Variants in OTOA observed in about 807,000 individuals in gnomAD.
OTOA encodes cancer/testis antigen 108.
Under a neutral mutation model 110.8 loss-of-function variants are expected in OTOA, and 70 were observed. That is an observed-to-expected ratio of 0.63 (90% CI 0.52 to 0.77). OTOA has a LOEUF of 0.77. OTOA is among the 30% of genes least tolerant of loss of function. The pLI is 0.00. For synonymous variants in OTOA, 373 were observed against 431.5 expected (o/e 0.86, Z 1.68); for missense variants, 917 against 1,075.8 (o/e 0.85, Z 2.06).
intron 1 of OTOA, 61 bp from the exon 2 acceptor site, chr16:21,678,450 G>GTA (rs2141652372): frequency 5.1e-6 from 5 of 983,594 alleles, no homozygotes; most frequent in East Asian, 5.7e-5. Flanking sequence ...ATATGTGTGT[G>GTA]TGTGTATATA....
chr16:21,719,378 G>T lies in OTOA; in HGVS notation c.1689-9G>T. ...CTTCCTCTCCCGAGTGCCTTGTTTT[G>T]TTTTCTAGTGCTGGGCAGCTGGTCA... On this transcript the variant is annotated splice_polypyrimidine_tract_variant and intron_variant, in intron 16 of 28. Coordinates refer to ENST00000646100, the MANE Select transcript of OTOA (RefSeq NM_144672.4). 6.2e-7 allele frequency: 1 copy of T among 1,613,546 alleles called. No individual in the cohort carries two copies. Among genetic ancestry groups the T allele is most frequent in the Non-Finnish European group, 8.5e-7 (1 of 1,179,672 alleles).
chr16:21,699,397 A>C (rs1468960005), intron 10 of OTOA, among the ~76,000 whole-genome samples: 1 of 152,180 alleles, frequency 6.6e-6, no homozygotes, highest in Admixed American at 6.6e-5. Context: ...GCACTTTGGG[A>C]GGCCAAGGCG....
intron 6 of OTOA, among the ~76,000 whole-genome samples, chr16:21,682,699 T>C (rs1438253675): frequency 6.6e-6 from 1 of 152,230 alleles, no homozygotes; most frequent in Non-Finnish European, 1.5e-5. Context: ...AGAAAAATTC[T>C]TTCAGTATTG....
At chr16:21,734,942 C>G (rs1044545566) in intron 21 of OTOA, among the ~76,000 whole-genome samples, 4 of 151,910 alleles carry the variant, frequency 2.6e-5, no homozygotes, top group African/African-American at 9.7e-5. Flanking sequence ...AGTTTGAGAC[C>G]AGCCAGGCCA....
At chr16:21,721,459 A>G in intron 17 of OTOA, 1 of 456,104 alleles carries the variant, frequency 2.2e-6, no homozygotes, top group South Asian at 1.5e-5. Context: ...GGAGCTCAAC[A>G]TCCTACAATG....
At chr16:21,702,948 A>G (rs1304396498) in intron 11 of OTOA, among the ~76,000 whole-genome samples, 1 of 152,224 alleles carries the variant, frequency 6.6e-6, no homozygotes, top group Non-Finnish European at 1.5e-5. Context: ...TGCTGGGATT[A>G]GAGGCATGAA....
chr16:21,697,892 C>T lies in OTOA; in HGVS notation c.840+17C>T. 6.3e-7 allele frequency: 1 copy of T among 1,580,584 alleles called. No homozygotes were observed. Among genetic ancestry groups the T allele is most frequent in the Non-Finnish European group, 8.7e-7 (1 of 1,149,648 alleles). On this transcript the variant is annotated intron_variant, in intron 10 of 28. Transcript: ENST00000646100. ...CCTATAGAAGTAAGTTGGAAAAGTACATTTATATGTCACCATTACTAATAC... is the reference window on the plus strand; with the variant it reads ...CCTATAGAAGTAAGTTGGAAAAGTATATTTATATGTCACCATTACTAATAC...
At chr16:21,712,739 G>A (rs1379993176) in intron 13 of OTOA, among the ~76,000 whole-genome samples, 1 of 151,938 alleles carries the variant, frequency 6.6e-6, no homozygotes, top group Admixed American at 6.6e-5. Flanking sequence ...CAGCTACTCG[G>A]GAGGCTGAGG....
At chr16:21,669,319 C>T (rs576869225) in intron 1 of OTOA, among the ~76,000 whole-genome samples, 9 of 151,960 alleles carry the variant, frequency 5.9e-5, no homozygotes, top group African/African-American at 2.2e-4. Flanking sequence ...CTCCAGCGTG[C>T]GTGACAGAGT....
At chr16:21,717,151 T>G in intron 15 of OTOA, 104 bp downstream of exon 15, 1 of 1,502,746 alleles carries the variant, frequency 6.7e-7, no homozygotes, top group African/African-American at 1.4e-5. Context: ...TTTATTTCTG[T>G]GGGATTAGTA....
At chr16:21,679,135 C>T (rs1327631252) in intron 4 of OTOA, 49 bp from the exon 5 acceptor site, 3 of 1,613,358 alleles carry the variant, frequency 1.9e-6, no homozygotes, top group East Asian at 4.5e-5. Context: ...TGTGATCTCT[C>T]TGGAATGATT....
At position 21,714,617 on chromosome 16, in the gene OTOA, T is replaced by C. The variant is rs1300090088; in HGVS notation, c.1321-368T>C. 3.9e-5 allele frequency among the ~76,000 whole-genome samples: 6 copies of C among 152,078 alleles called. No individual in the cohort carries two copies. The East Asian group carries it at 1.2e-3, about 29-fold the overall frequency. On this transcript the variant is annotated intron_variant, in intron 13 of 28. Transcript: ENST00000646100. ...ACCTCTGCCTCCTGGGTTCAAGCAA[T>C]TCTCCTGCCTCAGCCTCCCAAGTAG...
chr16:21,712,975 G>GT (rs1228417267), intron 13 of OTOA, among the ~76,000 whole-genome samples: 3 of 151,860 alleles, frequency 2.0e-5, no homozygotes, highest in East Asian at 3.9e-4. Context: ...TTCTTTTTTT[G>GT]TTTTTTGAGA....
In OTOA at chr16:21,672,237, C is replaced by A. The variant is rs566310847; in HGVS notation, c.-4-6274C>A. On this transcript the variant is annotated intron_variant, in intron 1 of 28. Coordinates refer to ENST00000646100, the MANE Select transcript of OTOA (RefSeq NM_144672.4). ...TTTCTGAGGTTCATCTGTGTTGTTG[C>A]CTATATCAGTAGTGTATTCCTTTTC... Among the ~76,000 whole-genome samples, 4 of 152,180 alleles carry A rather than the reference C, an allele frequency of 2.6e-5. No individual in the cohort carries two copies. In the South Asian group the frequency reaches 8.3e-4, roughly 32 times the overall value.
chr16:21,697,356 G>T (rs1416204580), intron 9 of OTOA, among the ~76,000 whole-genome samples: 2 of 152,152 alleles, frequency 1.3e-5, no homozygotes, highest in African/African-American at 2.4e-5. Context: ...ATGTGGCTGG[G>T]CATGGTGGCT....
intron 12 of OTOA, among the ~76,000 whole-genome samples, chr16:21,707,999 G>A (rs1771761767): frequency 6.6e-6 from 1 of 151,710 alleles, no homozygotes; most frequent in Non-Finnish European, 1.5e-5. Flanking sequence ...TCACCATGTG[G>A]CCAGGATGAT....
intron 1 of OTOA, among the ~76,000 whole-genome samples, chr16:21,668,100 T>C (rs141906395): frequency 0.013 from 1,998 of 152,266 alleles, 31 homozygotes; most frequent in South Asian, 0.035. Flanking sequence ...ATTTCCTCAA[T>C]TGTCTCACAA....
At chr16:21,686,383 A>G (rs1405964504) in intron 7 of OTOA, among the ~76,000 whole-genome samples, 1 of 151,388 alleles carries the variant, frequency 6.6e-6, no homozygotes, top group Non-Finnish European at 1.5e-5. Flanking sequence ...TGATATCCTG[A>G]GCCCAAGTGA....
At chr16:21,727,455 GTACT>G (rs1387117096) in intron 19 of OTOA, among the ~76,000 whole-genome samples, 1 of 152,144 alleles carries the variant, frequency 6.6e-6, no homozygotes, top group Non-Finnish European at 1.5e-5. Flanking sequence ...GATAATAGTA[GTACT>G]TACTTCTTAC....
Sources: allele counts gnomAD v4.1 joint callset (sites outside exome capture counted in the v4.1 genomes callset), GRCh38; gene constraint gnomAD v4.1.1; transcripts MANE v1.5; gene names NCBI Gene and HGNC (gene_info 2026-07-23, HGNC 2026-07-21).